The following HMGCLL1 variants were observed in gnomAD, a reference collection of about 807,000 sequenced individuals.
HMGCLL1 encodes the protein 3-hydroxymethyl-3-methylglutaryl-CoA lyase, cytoplasmic.
HMGCLL1 carries 36 observed loss-of-function variants against 39.1 expected under a neutral mutation model. That is an observed-to-expected ratio of 0.92 (90% CI 0.71 to 1.22). HMGCLL1 has a LOEUF of 1.22. HMGCLL1 is among the 50% of genes most tolerant of loss of function. The pLI, the probability that HMGCLL1 is intolerant of heterozygous loss-of-function variation, is 0.00. For missense variants in HMGCLL1, 451 were observed against 416.5 expected (o/e 1.08, Z -0.72); for synonymous variants, 149 against 144.0 (o/e 1.03, Z -0.25).
At chr6:55,602,629 CTG>C in the HMGCLL1 span, among the ~76,000 whole-genome samples, 5 of 151,772 alleles carry the variant, frequency 3.3e-5, no homozygotes, top group Admixed American at 6.6e-5. Context: ...GATATTTTTT[CTG>C]TGTTACATTC....
intron 1 of HMGCLL1, among the ~76,000 whole-genome samples, chr6:55,565,392 TA>T (rs1771164521): frequency 6.6e-6 from 1 of 152,124 alleles, no homozygotes; most frequent in Non-Finnish European, 1.5e-5. Context: ...TCTAATCATA[TA>T]ATTTTCCAGA....
chr6:55,543,515 T>C (rs1306372484), intron 1 of HMGCLL1, among the ~76,000 whole-genome samples: 1 of 119,214 alleles, frequency 8.4e-6, no homozygotes, highest in Non-Finnish European at 1.6e-5. Context: ...TCATATATAA[T>C]ATATATATTT....
chr6:55,541,614 T>C (rs1195321584), intron 3 of HMGCLL1, 115 bp downstream of exon 3: 5 of 619,178 alleles, frequency 8.1e-6, no homozygotes, highest in African/African-American at 7.6e-5. Context: ...CAGGTTAATA[T>C]TTTGAAAGAA....
chr6:55,669,350 A>T, the HMGCLL1 span, among the ~76,000 whole-genome samples: 16 of 151,982 alleles, frequency 1.1e-4, no homozygotes, highest in Admixed American at 3.9e-4. Context: ...AGCTGGGTTG[A>T]TACATGTAGT....
chr6:55,439,623 A>G lies in HMGCLL1; in HGVS notation c.796-64T>C, dbSNP rs577181660. 7 of 1,564,722 alleles carry G rather than the reference A, an allele frequency of 4.5e-6. No homozygotes were observed. The East Asian group carries it at 9.1e-5, about 20-fold the overall frequency. On this transcript the variant is annotated intron_variant, in intron 7 of 8. Transcript: ENST00000274901. Reference sequence around the variant, plus strand: ...ATGGCATGTAAATTGTTGCATTTCTATTTAACCTATGGTAAACTGCAAATA... The same window carrying G: ...ATGGCATGTAAATTGTTGCATTTCTGTTTAACCTATGGTAAACTGCAAATA...
At chr6:55,645,543 T>C in the HMGCLL1 span, among the ~76,000 whole-genome samples, 1 of 151,994 alleles carries the variant, frequency 6.6e-6, no homozygotes, top group African/African-American at 2.4e-5. Context: ...GTCTGTCAAA[T>C]ATGCCTTTTA....
chr6:55,528,160 A>AGG (rs1768422785), intron 3 of HMGCLL1, among the ~76,000 whole-genome samples: 1 of 152,076 alleles, frequency 6.6e-6, no homozygotes, highest in Non-Finnish European at 1.5e-5. Context: ...AAATGAGCGG[A>AGG]TAATGTCAGA....
chr6:55,658,861 G>A, the HMGCLL1 span, among the ~76,000 whole-genome samples: 5 of 151,996 alleles, frequency 3.3e-5, no homozygotes, highest in African/African-American at 1.2e-4. Flanking sequence ...CTATAAAGAA[G>A]CAAGCATATT....
intron 3 of HMGCLL1, among the ~76,000 whole-genome samples, chr6:55,532,019 C>T (rs879209839): frequency 6.6e-6 from 1 of 152,058 alleles, no homozygotes; most frequent in Non-Finnish European, 1.5e-5. Flanking sequence ...AAACTACCTC[C>T]CACCTCCCCG....
At chr6:55,675,440 T>G in the HMGCLL1 span, among the ~76,000 whole-genome samples, 1 of 152,100 alleles carries the variant, frequency 6.6e-6, no homozygotes, top group Non-Finnish European at 1.5e-5. Flanking sequence ...CAATAAAATG[T>G]TTTCCATTTT....
the HMGCLL1 span, among the ~76,000 whole-genome samples, chr6:55,661,727 G>GT: frequency 4.6e-5 from 7 of 151,140 alleles, no homozygotes; most frequent in South Asian, 2.1e-4. Flanking sequence ...TTTTTAAAAA[G>GT]TTTTTTTTTC....
intron 1 of HMGCLL1, among the ~76,000 whole-genome samples, chr6:55,567,863 C>T (rs1396557555): frequency 1.3e-5 from 2 of 152,148 alleles, no homozygotes; most frequent in Non-Finnish European, 2.9e-5. Flanking sequence ...AAGTAAACCT[C>T]AGTTCCTTGT....
At chr6:55,630,860 T>C in the HMGCLL1 span, among the ~76,000 whole-genome samples, 1 of 152,142 alleles carries the variant, frequency 6.6e-6, no homozygotes, top group Non-Finnish European at 1.5e-5. Context: ...TGCAAGTCCA[T>C]TAAACCTCTT....
chr6:55,674,349 A>T, the HMGCLL1 span, among the ~76,000 whole-genome samples: 2 of 151,822 alleles, frequency 1.3e-5, no homozygotes, highest in South Asian at 2.1e-4. Context: ...ATGTGATATG[A>T]TCATGCCTGT....
At chr6:55,539,994 AAGGGAGGGAGGGAGGGAGGGAGGGAGGG>A (rs1201212299) in intron 3 of HMGCLL1, among the ~76,000 whole-genome samples, 4 of 8,230 alleles carry the variant, frequency 4.9e-4, no homozygotes, top group African/African-American at 1.1e-3. Flanking sequence ...GGAAGGAAGG[AAGGGAGGGAGGGAGGGAGGGAGGGAGGG>A]AGGGAGGGAG....
chr6:55,484,665 G>A (rs1424280039), intron 7 of HMGCLL1, among the ~76,000 whole-genome samples: 1 of 151,808 alleles, frequency 6.6e-6, no homozygotes, highest in Non-Finnish European at 1.5e-5. Context: ...TTCCCTTTTA[G>A]ACACTCTACA....
At chr6:55,469,454 T>C (rs1234743555) in intron 7 of HMGCLL1, among the ~76,000 whole-genome samples, 1 of 137,612 alleles carries the variant, frequency 7.3e-6, no homozygotes, top group Non-Finnish European at 1.5e-5. Flanking sequence ...TATATATGTA[T>C]ATATGTGTAT....
chr6:55,566,752 C>A, intron 1 of HMGCLL1: 6 of 361,566 alleles, frequency 1.7e-5, no homozygotes, highest in South Asian at 4.4e-5. Flanking sequence ...CAACAGTAGC[C>A]AAGAAAAGGA....
intron 7 of HMGCLL1, among the ~76,000 whole-genome samples, chr6:55,482,551 T>C (rs1024941965): frequency 6.6e-6 from 1 of 152,158 alleles, no homozygotes; most frequent in Non-Finnish European, 1.5e-5. Context: ...GAAAAATAAA[T>C]AACATTTTCT....
Sources: allele counts gnomAD v4.1 joint callset (sites outside exome capture counted in the v4.1 genomes callset), GRCh38; gene constraint gnomAD v4.1.1; transcripts MANE v1.5; gene names NCBI Gene and HGNC (gene_info 2026-07-23, HGNC 2026-07-21).